The following PTPRB variants were observed in gnomAD, a reference collection of about 807,000 sequenced individuals.
PTPRB encodes the protein protein tyrosine phosphatase receptor type B, also known as receptor-type tyrosine-protein phosphatase beta.
Under a neutral mutation model 238.1 loss-of-function variants are expected in PTPRB, and 97 were observed. The observed-to-expected ratio is 0.41, with a 90% CI of 0.35 to 0.48. PTPRB has a LOEUF of 0.48. Ranked by LOEUF, PTPRB falls within the 20% of genes least tolerant of loss-of-function variation. The probability of loss-of-function intolerance (pLI) is 0.30; values close to 1 mark genes in which losing one functional copy is unlikely to be tolerated. For synonymous variants in PTPRB, 970 were observed against 995.4 expected (o/e 0.97, Z 0.48); for missense variants, 2,292 against 2,681.9 (o/e 0.85, Z 3.21).
intron 13 of PTPRB, among the ~76,000 whole-genome samples, chr12:70,570,407 C>T (rs1222106109): frequency 6.6e-6 from 1 of 152,102 alleles, no homozygotes; most frequent in African/African-American, 2.4e-5. Context: ...AGTGCAATGG[C>T]ATGATTATGG....
rs370577194 is a variant in PTPRB, at chr12:70,571,926, C to G, written c.3004G>C (p.Glu1002Gln). ...GGGACTAGCTGAACAAATACACATTCGTTTTCTGACTTGGGAATGCTTTTA... is the reference window on the plus strand; with the variant it reads ...GGGACTAGCTGAACAAATACACATTGGTTTTCTGACTTGGGAATGCTTTTA... ...QTKSIPKSEN[E>Q]CVFVQLVPGR... The change falls in exon 12 of 34, where the codon GAA becomes CAA. Residue 1002 changes from glutamate (E) to glutamine (Q), a missense_variant. By Grantham distance (29) the Glu-to-Gln change is conservative. This residue lies in a region of PTPRB where 1,205 missense variants were observed against 1,287.8 expected (regional missense o/e 0.94). Coordinates refer to ENST00000334414, the MANE Select transcript of PTPRB (RefSeq NM_001109754.4). 6.2e-7 allele frequency: 1 copy of G among 1,613,900 alleles called. No individual in the cohort carries two copies. The highest frequency in any genetic ancestry group is 1.7e-5 in the Admixed American group (1 of 60,030).
At chr12:70,525,019 G>T (rs953527449) in intron 32 of PTPRB, among the ~76,000 whole-genome samples, 1 of 151,738 alleles carries the variant, frequency 6.6e-6, no homozygotes, top group Non-Finnish European at 1.5e-5. Flanking sequence ...TTCTGTGAGA[G>T]CCTACAACTG....
chr12:70,517,873 A>G lies in PTPRB; in HGVS notation c.*3616T>C, dbSNP rs1871310775. The G allele has an allele frequency of 6.6e-6, 1 of 152,218 alleles. No individual in the cohort carries two copies. Among genetic ancestry groups the G allele is most frequent in the Admixed American group, 6.5e-5 (1 of 15,280 alleles). The allele number at this position is 152,218 out of a possible 1,614,324, so 9.4% of individuals were successfully genotyped here. On this transcript the variant is annotated 3_prime_UTR_variant, in exon 34 of 34. Coordinates refer to ENST00000334414, the MANE Select transcript of PTPRB (RefSeq NM_001109754.4). ...AAAGCTAAGTGAATGAGAATTTAGT[A>G]TATGGCCAATAATATTATTGCAAAA...
At chr12:70,580,477 G>A (rs571516660) in intron 10 of PTPRB, among the ~76,000 whole-genome samples, 1 of 152,264 alleles carries the variant, frequency 6.6e-6, no homozygotes, top group South Asian at 2.1e-4. Context: ...CTGAATAGGG[G>A]GATAAGTCTA....
chr12:70,541,930 T>G (rs1464088245), intron 22 of PTPRB: 1 of 152,254 alleles, frequency 6.6e-6, no homozygotes, highest in Non-Finnish European at 1.5e-5. Flanking sequence ...ATGTACAAGT[T>G]TCTATGTGGA....
At position 70,539,758 on chromosome 12, in the gene PTPRB, G is replaced by A. The variant is rs1031460321; in HGVS notation, c.5697-52C>T. 3.5e-5 allele frequency: 55 copies of A among 1,592,514 alleles called. No homozygotes were observed. In the East Asian group the frequency reaches 8.7e-4, roughly 25 times the overall value. ...AAAGAGTTACTGCAGAAAAGGGAAAGTGCCATAACTATTCTGACTCATATT... is the reference window on the plus strand; with the variant it reads ...AAAGAGTTACTGCAGAAAAGGGAAAATGCCATAACTATTCTGACTCATATT... On this transcript the variant is annotated intron_variant, in intron 25 of 33. Transcript: ENST00000334414.
chr12:70,630,645 G>A (rs1005128629), intron 2 of PTPRB, among the ~76,000 whole-genome samples: 2 of 152,216 alleles, frequency 1.3e-5, no homozygotes, highest in African/African-American at 4.8e-5. Flanking sequence ...GTTTGCAGAT[G>A]ACATGATTGT....
Position 70,592,335 on chromosome 12 carries a change from A to T in PTPRB, c.1727T>A (p.Val576Asp), listed in dbSNP as rs780458310. Reference sequence around the variant, plus strand: ...AGACAGTTCACCAGAGACACAGCTGACAGTAACTTGATAAAGTCGACCGGG... The same window carrying T: ...AGACAGTTCACCAGAGACACAGCTGTCAGTAACTTGATAAAGTCGACCGGG... ...LVPGRLYQVTVSCVSGELSAQ... is the reference protein window; with the variant it reads ...LVPGRLYQVTDSCVSGELSAQ... The change falls in exon 7 of 34, where the codon GTC becomes GAC. Residue 576 changes from valine to aspartate, a missense_variant. By Grantham distance (152) the Val-to-Asp change is radical. Coordinates refer to ENST00000334414, the MANE Select transcript of PTPRB (RefSeq NM_001109754.4). 2 of 1,614,038 alleles carry T rather than the reference A, an allele frequency of 1.2e-6. No homozygotes were observed. The highest frequency in any genetic ancestry group is 3.3e-5 in the Admixed American group (2 of 60,022).
chr12:70,541,418 T>C (rs1001621968), intron 22 of PTPRB: 1 of 153,336 alleles, frequency 6.5e-6, no homozygotes, highest in African/African-American at 2.4e-5. Context: ...CTACTGGGAG[T>C]TTATGAAGAG....
chr12:70,576,557 C>T lies in PTPRB; in HGVS notation c.2667G>A (p.Val889=). 6.4e-7 allele frequency: 1 copy of T among 1,554,498 alleles called. No individual in the cohort carries two copies. Among genetic ancestry groups the T allele is most frequent in the Non-Finnish European group, 8.7e-7 (1 of 1,148,488 alleles). The change falls in exon 11 of 34, where the codon GTG becomes GTA. Residue 889 remains valine (V), a synonymous_variant. Coordinates refer to ENST00000334414, the MANE Select transcript of PTPRB (RefSeq NM_001109754.4). ...SVSWLLAPGD[V]DNYEVTLSHD... is the part of the protein sequence containing the mutation. ...GAGACAATGTTACCTCATAGTTATC[C>T]ACATCTCCGGGCGCCAGCAGCCAGG...
chr12:70,547,954 C>A (rs73332231), intron 21 of PTPRB, among the ~76,000 whole-genome samples: 1 of 152,110 alleles, frequency 6.6e-6, no homozygotes, highest in Non-Finnish European at 1.5e-5. Flanking sequence ...AAGATATGAA[C>A]GAAAACTGAA....
At chr12:70,554,251 T>G (rs905068322) in intron 20 of PTPRB, among the ~76,000 whole-genome samples, 1 of 152,208 alleles carries the variant, frequency 6.6e-6, no homozygotes, top group Non-Finnish European at 1.5e-5. Flanking sequence ...TTTGTCAGGT[T>G]TCAAGTTTCC....
Position 70,576,379 on chromosome 12 carries a change from T to C in PTPRB, c.2842+3A>G. 1 of 1,611,986 alleles carries C rather than the reference T, an allele frequency of 6.2e-7. No individual in the cohort carries two copies. Among genetic ancestry groups the C allele is most frequent in the Non-Finnish European group, 8.5e-7 (1 of 1,179,208 alleles). Reference sequence around the variant, plus strand: ...GGAGCCCTGAACCTTCATACAGCCTTACCTGTCCGCTCTTGGCTGAAGGAG... The same window carrying C: ...GGAGCCCTGAACCTTCATACAGCCTCACCTGTCCGCTCTTGGCTGAAGGAG... On this transcript the variant is annotated splice_donor_region_variant and intron_variant, in intron 11 of 33. Transcript: ENST00000334414.
chr12:70,597,523 G>T lies in PTPRB; in HGVS notation c.980-1196C>A, dbSNP rs192022274. Among the ~76,000 whole-genome samples the T allele has an allele frequency of 6.6e-5, 10 of 152,300 alleles. No homozygotes were observed. In the East Asian group the frequency reaches 1.9e-3, roughly 29 times the overall value. The stretch of plus-strand genomic sequence containing the variant: ...ATAAGGGGCTGCCCCTACCCTGAGT[G>T]CTGAGAGTAGAACTATTGAGAGACC... On this transcript the variant is annotated intron_variant, in intron 4 of 33. Coordinates refer to ENST00000334414, the MANE Select transcript of PTPRB (RefSeq NM_001109754.4).
At chr12:70,537,382 A>C (rs1461942105) in intron 28 of PTPRB, among the ~76,000 whole-genome samples, 1 of 151,636 alleles carries the variant, frequency 6.6e-6, no homozygotes, top group East Asian at 1.9e-4. Context: ...AGATCCTCAG[A>C]TGGCGCAGAC....
chr12:70,547,461 A>C (rs926604890), intron 21 of PTPRB, among the ~76,000 whole-genome samples: 1 of 152,002 alleles, frequency 6.6e-6, no homozygotes, highest in South Asian at 2.1e-4. Flanking sequence ...CTCTCTGATA[A>C]GAGTTTCTTA....
At chr12:70,530,511 C>A (rs1592395477) in intron 32 of PTPRB, among the ~76,000 whole-genome samples, 1 of 151,886 alleles carries the variant, frequency 6.6e-6, no homozygotes, top group Non-Finnish European at 1.5e-5. Context: ...TATATACATA[C>A]ACACGTGTAC....
At chr12:70,576,798 G>A (rs1037682910) in intron 10 of PTPRB, among the ~76,000 whole-genome samples, 153 bp from the exon 11 acceptor site, 3 of 151,892 alleles carry the variant, frequency 2.0e-5, no homozygotes, top group Admixed American at 1.3e-4. Context: ...TCAAGGAAGC[G>A]TGAGGATTTC....
intron 15 of PTPRB, among the ~76,000 whole-genome samples, chr12:70,563,923 G>A (rs778524443): frequency 6.6e-6 from 1 of 152,010 alleles, no homozygotes; most frequent in Non-Finnish European, 1.5e-5. Flanking sequence ...CTTCACCAGG[G>A]CCCCTGCATT....
Sources: gnomAD v4.1 joint callset for allele counts (sites outside exome capture counted in the v4.1 genomes callset) on GRCh38, gnomAD v4.1.1 for gene constraint, gnomAD v4.1.1 regional missense constraint, MANE v1.5 for transcripts, NCBI Gene and HGNC (gene_info 2026-07-23, HGNC 2026-07-21) for gene names.